Variants in UTP6 observed in about 807,000 individuals in gnomAD.
UTP6 encodes the protein UTP6 small subunit processome component.
In UTP6, 60 loss-of-function variants were observed where a neutral mutation model predicts 96.5. The observed-to-expected ratio is 0.62, with a 90% confidence interval of 0.51 to 0.77. UTP6 has a LOEUF of 0.77. UTP6 is among the 30% of genes least tolerant of loss of function. The pLI is 0.00. For missense variants in UTP6, 637 were observed against 706.5 expected, an observed-to-expected ratio of 0.90 and a Z score of 1.12; for synonymous variants, 215 against 240.1, an observed-to-expected ratio of 0.90 and a Z score of 0.96.
chr17:31,886,146 C>T, intron 8 of UTP6, 85 bp from the exon 9 acceptor site: 1 of 1,128,960 alleles, frequency 8.9e-7, no homozygotes, highest in Non-Finnish European at 1.3e-6. Flanking sequence ...CCTAGACTAC[C>T]TGTGCCATAT....
chr17:31,892,401 C>A, intron 5 of UTP6, 78 bp from the exon 6 acceptor site: 1 of 1,386,358 alleles, frequency 7.2e-7, no homozygotes, highest in South Asian at 1.2e-5. Flanking sequence ...TGTACCCTAA[C>A]TTTACCAACT....
In UTP6 at chr17:31,878,687, A is replaced by G. The variant is rs751929026; in HGVS notation, c.1047+15T>C. ...CACTATCTAGTCAACCACTGTAACC[A>G]TGTAACAACCTCACCTTCCCTCTAA... On this transcript the variant is annotated intron_variant, in intron 12 of 18. Transcript: ENST00000261708. 2 of 1,612,110 alleles carry G rather than the reference A, an allele frequency of 1.2e-6. No individual in the cohort carries two copies. Among genetic ancestry groups the G allele is most frequent in the South Asian group, 1.1e-5 (1 of 91,022 alleles).
Position 31,892,407 on chromosome 17 carries a change from C to G in UTP6, c.361-84G>C, listed in dbSNP as rs544782747. On this transcript the variant is annotated intron_variant, in intron 5 of 18. Coordinates refer to ENST00000261708, the MANE Select transcript of UTP6 (RefSeq NM_018428.3). ...TAAGTAATATGTACCCTAACTTTAC[C>G]AACTGTAAAATCCAATGGAGCATGA... The G allele has an allele frequency of 1.2e-5, 17 of 1,363,622 alleles. No homozygotes were observed. The South Asian group carries it at 2.1e-4, about 17-fold the overall frequency. The allele number at this position is 1,363,622 out of a possible 1,614,324, so 84.5% of individuals were successfully genotyped here.
intron 7 of UTP6, 27 bp downstream of exon 7, chr17:31,889,258 T>C: frequency 5.2e-6 from 8 of 1,549,590 alleles, no homozygotes; most frequent in Non-Finnish European, 6.2e-6. Flanking sequence ...AACATCACTG[T>C]CTCATCCTAT....
Position 31,875,256 on chromosome 17 carries a change from GC to G in UTP6, c.1282del (p.Ala428ProfsTer5). The G allele has an allele frequency of 6.2e-7, 1 of 1,614,010 alleles. No homozygotes were observed. The highest frequency in any genetic ancestry group is 8.5e-7 in the Non-Finnish European group (1 of 1,179,986). On this transcript the variant is annotated frameshift_variant, in exon 14 of 19. Transcript: ENST00000261708. LOFTEE classifies it high-confidence loss of function. ...SPDIAMLFEE[A>X]FVHLKPQVCL... ...GACCTGGGGTTTCAGGTGCACAAAG[GC>G]TTCTTCAAAAAGCATGGCTATGTCA...
At chr17:31,868,025 A>G (rs1909924962) in intron 17 of UTP6, 21 bp downstream of exon 17, 1 of 1,607,326 alleles carries the variant, frequency 6.2e-7, no homozygotes, top group African/African-American at 1.3e-5. Context: ...CAGACAAGAA[A>G]TGCTGAAACA....
chr17:31,898,434 A>G (rs1026396131), intron 2 of UTP6, among the ~76,000 whole-genome samples: 2 of 152,130 alleles, frequency 1.3e-5, no homozygotes, highest in Admixed American at 1.3e-4. Flanking sequence ...GCTGAGGCAG[A>G]TAACTGCTTG....
chr17:31,878,367 C>T lies in UTP6; in HGVS notation c.1048-40G>A, dbSNP rs766265718. 7 of 1,593,676 alleles carry T rather than the reference C, an allele frequency of 4.4e-6. No homozygotes were observed. In the South Asian group the frequency reaches 7.8e-5, roughly 18 times the overall value. ...ATCCCTCAGTTCATTACAAAGATCC[C>T]AGCAGGGGCCTCTGGCCTCTGACAT... is the stretch of plus-strand genomic sequence containing the variant. On this transcript the variant is annotated intron_variant, in intron 12 of 18. Transcript: ENST00000261708.
In UTP6 at chr17:31,901,573, G is replaced by C; in HGVS notation, c.55C>G (p.Leu19Val). ...IEDRLPELEQ[L>V]ERIGLFSHAE... ...TGACTGAACAGTCCAATGCGCTCCA[G>C]CTGTTCCAATTCCGGGAGCCGATCT... Residue 19 changes from leucine to valine, a missense_variant, in exon 1 of 19, where the codon CTG (leucine) becomes GTG (valine). Leu to Val is a conservative substitution (Grantham distance 32). Transcript: ENST00000261708. 6.2e-7 allele frequency: 1 copy of C among 1,614,006 alleles called. No homozygotes were observed. Among genetic ancestry groups the C allele is most frequent in the South Asian group, 1.1e-5 (1 of 91,080 alleles).
intron 17 of UTP6, 61 bp downstream of exon 17, chr17:31,867,985 G>T: frequency 6.5e-7 from 1 of 1,542,524 alleles, no homozygotes; most frequent in Non-Finnish European, 8.9e-7. Context: ...AAAACAGTCT[G>T]ATAGATTAGT....
chr17:31,891,258 C>G (rs975921367), intron 6 of UTP6, among the ~76,000 whole-genome samples: 1 of 152,118 alleles, frequency 6.6e-6, no homozygotes, highest in Non-Finnish European at 1.5e-5. Context: ...TTTCTAGGAT[C>G]TGTAGAAGCC....
chr17:31,900,514 A>G (rs996716192), intron 1 of UTP6, among the ~76,000 whole-genome samples: 6 of 151,692 alleles, frequency 4.0e-5, no homozygotes, highest in Non-Finnish European at 7.4e-5. Context: ...CTGGTCTCGA[A>G]CTCCTGACCT....
intron 15 of UTP6, 46 bp downstream of exon 15, chr17:31,873,627 T>G: frequency 6.2e-7 from 1 of 1,613,246 alleles, no homozygotes; most frequent in Non-Finnish European, 8.5e-7. Flanking sequence ...CCAGGGAACC[T>G]TCTGCCATTC....
chr17:31,898,481 C>T (rs1904784470), intron 2 of UTP6, among the ~76,000 whole-genome samples: 1 of 151,328 alleles, frequency 6.6e-6, no homozygotes. Context: ...GCCGAGATCG[C>T]ACCACTGCAC....
At chr17:31,897,210 T>C (rs1904702670) in intron 2 of UTP6, among the ~76,000 whole-genome samples, 1 of 151,728 alleles carries the variant, frequency 6.6e-6, no homozygotes, top group Non-Finnish European at 1.5e-5. Flanking sequence ...CATCTGAGCC[T>C]AGAAGTTCGA....
chr17:31,861,227 CTG>C lies in UTP6; in HGVS notation c.*2130_*2131del, dbSNP rs1417483553. On this transcript the variant is annotated 3_prime_UTR_variant, in exon 19 of 19. Coordinates refer to ENST00000261708, the MANE Select transcript of UTP6 (RefSeq NM_018428.3). ...CCAGCCTGGACCACAGAGCAAGACT[CTG>C]TCTCAAAAAAAAAAAATCACCACAA... 1 of 148,894 alleles carries C rather than the reference CTG, an allele frequency of 6.7e-6. No individual in the cohort carries two copies. Among genetic ancestry groups the C allele is most frequent in the Admixed American group, 6.7e-5 (1 of 14,876 alleles). 9.2% of individuals were successfully genotyped at this position (148,894 alleles called of 1,614,324 possible). A position where few individuals can be genotyped will look rare whatever the true frequency, so the allele number is the denominator to read the frequency against.
chr17:31,895,090 C>CA, intron 2 of UTP6, 79 bp from the exon 3 acceptor site: 1 of 1,087,894 alleles, frequency 9.2e-7, no homozygotes, highest in South Asian at 1.6e-5. Context: ...TAGTTAAAGT[C>CA]ATAAAACAAA....
At chr17:31,894,549 A>G (rs1397960296) in intron 4 of UTP6, 96 bp downstream of exon 4, 3 of 856,650 alleles carry the variant, frequency 3.5e-6, no homozygotes, top group African/African-American at 1.7e-5. Context: ...AAAGATACCC[A>G]AGATAAAAAT....
At chr17:31,892,515 C>G (rs972761569) in intron 5 of UTP6, among the ~76,000 whole-genome samples, 192 bp from the exon 6 acceptor site, 3 of 152,158 alleles carry the variant, frequency 2.0e-5, no homozygotes, top group Admixed American at 2.0e-4. Flanking sequence ...CTTTAAATAT[C>G]TTTTTAAAAA....
Sources: gnomAD v4.1 joint callset for allele counts (sites outside exome capture counted in the v4.1 genomes callset) on GRCh38, gnomAD v4.1.1 for gene constraint, MANE v1.5 for transcripts, NCBI Gene and HGNC (gene_info 2026-07-23, HGNC 2026-07-21) for gene names.